The following LRRC75A variants were observed in gnomAD, a reference collection of about 807,000 sequenced individuals.
LRRC75A encodes the protein leucine-rich repeat-containing protein 75A.
Under a neutral mutation model 26.0 loss-of-function variants are expected in LRRC75A, and 12 were observed. The ratio of observed to expected loss-of-function variants is 0.46; its 90% CI spans 0.30 to 0.75. LRRC75A has a LOEUF of 0.75. Among genes scored for constraint, LRRC75A ranks in the 30% least tolerant of loss-of-function variants. The pLI is 0.08. For missense variants in LRRC75A, 410 were observed against 486.6 expected (o/e 0.84, Z 1.48); for synonymous variants, 223 against 219.3 (o/e 1.02, Z -0.15).
At chr17:16,477,565 C>T (rs1391613387) in intron 1 of LRRC75A, among the ~76,000 whole-genome samples, 1 of 152,236 alleles carries the variant, frequency 6.6e-6, no homozygotes, top group Non-Finnish European at 1.5e-5. Context: ...CACCTCTCCA[C>T]GCTTGGCCAC....
chr17:16,447,162 T>C (rs746210791), intron 3 of LRRC75A: 5 of 234,436 alleles, frequency 2.1e-5, no homozygotes, highest in Non-Finnish European at 4.4e-5. Flanking sequence ...GGCTCCCCTC[T>C]ACTTGCTTCC....
At chr17:16,486,395 A>G (rs1036975322) in intron 1 of LRRC75A, among the ~76,000 whole-genome samples, 1 of 152,180 alleles carries the variant, frequency 6.6e-6, no homozygotes, top group East Asian at 1.9e-4. Context: ...CTTAGCCACT[A>G]CAGAGGCTGC....
intron 1 of LRRC75A, among the ~76,000 whole-genome samples, chr17:16,473,564 A>G (rs2093812733): frequency 6.6e-6 from 1 of 152,208 alleles, no homozygotes; most frequent in East Asian, 1.9e-4. Context: ...GACCGAAGTC[A>G]GCCAGATGCT....
At position 16,491,554 on chromosome 17, in the gene LRRC75A, T is replaced by G. The variant is rs1288851506; in HGVS notation, c.246+191A>C. ...TCACCCGGCCAGCCTTCCTCCGCCC[T>G]GCCCTGAGGCCCCACATTCAGCGGA... On this transcript the variant is annotated intron_variant, in intron 1 of 3. Transcript: ENST00000470794. The surrounding 1 kb of genome is among the most constrained non-coding windows in gnomAD (Gnocchi z 5.9). 6.6e-6 allele frequency among the ~76,000 whole-genome samples: 1 copy of G among 152,176 alleles called. No homozygotes were observed. The highest frequency in any genetic ancestry group is 2.4e-5 in the African/African-American group (1 of 41,470).
chr17:16,452,519 C>A (rs2093641283), intron 2 of LRRC75A, among the ~76,000 whole-genome samples: 1 of 151,900 alleles, frequency 6.6e-6, no homozygotes, highest in African/African-American at 2.4e-5. Context: ...CTCACTGCAA[C>A]CTCCATCTCC....
Position 16,441,593 on chromosome 17 carries a change from T to G in LRRC75A, c.*1995A>C. On this transcript the variant is annotated 3_prime_UTR_variant, in exon 4 of 4. Coordinates refer to ENST00000470794, the MANE Select transcript of LRRC75A (RefSeq NM_001113567.3). ...TTTTTTGGGTTTTTTTTTTTTTTTT[T>G]GAGACAGTCTTGCTGTATTGCCCAG... is the stretch of plus-strand genomic sequence containing the variant. 2 of 356,822 alleles carry G rather than the reference T, an allele frequency of 5.6e-6. No homozygotes were observed. Among genetic ancestry groups the G allele is most frequent in the Admixed American group, 3.8e-5 (1 of 26,608 alleles). 22.1% of individuals were successfully genotyped at this position (356,822 alleles called of 1,614,324 possible).
chr17:16,453,452 C>G (rs2093652439), intron 2 of LRRC75A, among the ~76,000 whole-genome samples: 1 of 152,150 alleles, frequency 6.6e-6, no homozygotes, highest in African/African-American at 2.4e-5. Flanking sequence ...GGAAGTGTAT[C>G]TGCCACTACC....
At chr17:16,487,667 T>C (rs970891738) in intron 1 of LRRC75A, among the ~76,000 whole-genome samples, 13 of 152,216 alleles carry the variant, frequency 8.5e-5, no homozygotes, top group Non-Finnish European at 1.3e-4. Context: ...ACTGGTGAGC[T>C]CAAGTCATCT....
chr17:16,491,116 AC>A lies in LRRC75A; in HGVS notation c.246+628del, dbSNP rs2093856216. ...AAGTTGCTGCTGGCCAGGTGGTCACACAGGGCACCAAATCCAGCTCCCCTGT... is the reference window on the plus strand; with the variant it reads ...AAGTTGCTGCTGGCCAGGTGGTCACAAGGGCACCAAATCCAGCTCCCCTGT... On this transcript the variant is annotated intron_variant, in intron 1 of 3. Coordinates refer to ENST00000470794, the MANE Select transcript of LRRC75A (RefSeq NM_001113567.3). The surrounding 1 kb of genome is among the most constrained non-coding windows in gnomAD (Gnocchi z 5.9). 6.6e-6 allele frequency among the ~76,000 whole-genome samples: 1 copy of A among 152,258 alleles called. No individual in the cohort carries two copies. Among genetic ancestry groups the A allele is most frequent in the Non-Finnish European group, 1.5e-5 (1 of 68,042 alleles).
At position 16,441,582 on chromosome 17, in the gene LRRC75A, T is replaced by G. The variant is rs943688037; in HGVS notation, c.*2006A>C. The stretch of plus-strand genomic sequence containing the variant: ...CATTCTTGAGTTTTTTTGGGTTTTT[T>G]TTTTTTTTTTTGAGACAGTCTTGCT... On this transcript the variant is annotated 3_prime_UTR_variant, in exon 4 of 4. Coordinates refer to ENST00000470794, the MANE Select transcript of LRRC75A (RefSeq NM_001113567.3). 10 of 358,966 alleles carry G rather than the reference T, an allele frequency of 2.8e-5. No individual in the cohort carries two copies. Among genetic ancestry groups the G allele is most frequent in the African/African-American group, 1.9e-4 (9 of 46,668 alleles). The allele number at this position is 358,966 out of a possible 1,614,324, so 22.2% of individuals were successfully genotyped here.
chr17:16,451,493 C>G (rs537084312), intron 2 of LRRC75A, among the ~76,000 whole-genome samples: 2 of 151,600 alleles, frequency 1.3e-5, no homozygotes, highest in African/African-American at 4.8e-5. Flanking sequence ...TGACGGCGGG[C>G]GCCTGTGATC....
Position 16,491,098 on chromosome 17 carries a change from T to C in LRRC75A, c.246+647A>G, listed in dbSNP as rs1195953977. On this transcript the variant is annotated intron_variant, in intron 1 of 3. Coordinates refer to ENST00000470794, the MANE Select transcript of LRRC75A (RefSeq NM_001113567.3). The surrounding 1 kb of genome is among the most constrained non-coding windows in gnomAD (Gnocchi z 5.9). ...AGTCCTGGCAGTCTCCTGAAGTTGC[T>C]GCTGGCCAGGTGGTCACACAGGGCA... 6.6e-6 allele frequency among the ~76,000 whole-genome samples: 1 copy of C among 152,256 alleles called. No homozygotes were observed. The highest frequency in any genetic ancestry group is 1.5e-5 in the Non-Finnish European group (1 of 68,046).
intron 1 of LRRC75A, among the ~76,000 whole-genome samples, chr17:16,465,404 T>C (rs146097030): frequency 4.6e-5 from 7 of 152,334 alleles, no homozygotes; most frequent in African/African-American, 1.7e-4. Flanking sequence ...TAGTGGTTAT[T>C]AAACTGTGTT....
Position 16,462,697 on chromosome 17 carries a change from G to C in LRRC75A, c.247-311C>G, listed in dbSNP as rs1015195716. 1.2e-5 allele frequency: 4 copies of C among 333,186 alleles called. No individual in the cohort carries two copies. Among genetic ancestry groups the C allele is most frequent in the Non-Finnish European group, 2.2e-5 (4 of 181,114 alleles). The allele number at this position is 333,186 out of a possible 1,614,324, so 20.6% of individuals were successfully genotyped here. The stretch of plus-strand genomic sequence containing the variant: ...TTTCCAGAGGAGGAAGCCAAGGGTG[G>C]CCTGCCTCGGTGCAAGCAGCTGCTT... On this transcript the variant is annotated intron_variant, in intron 1 of 3. Coordinates refer to ENST00000470794, the MANE Select transcript of LRRC75A (RefSeq NM_001113567.3). This position sits in a 1 kb window ranked among gnomAD's most constrained non-coding sequence, Gnocchi z 4.6.
chr17:16,465,286 C>A (rs1051573229), intron 1 of LRRC75A, among the ~76,000 whole-genome samples: 1 of 152,214 alleles, frequency 6.6e-6, no homozygotes, highest in Non-Finnish European at 1.5e-5. Flanking sequence ...TGGGAAATAG[C>A]ACTGGATTTT....
chr17:16,465,221 G>A (rs1483402250), intron 1 of LRRC75A, among the ~76,000 whole-genome samples: 1 of 152,198 alleles, frequency 6.6e-6, no homozygotes, highest in Non-Finnish European at 1.5e-5. Context: ...AGCACCCCTG[G>A]CACCTAGTGG....
intron 1 of LRRC75A, among the ~76,000 whole-genome samples, chr17:16,481,087 C>A (rs2093832906): frequency 6.6e-6 from 1 of 152,242 alleles, no homozygotes; most frequent in Admixed American, 6.5e-5. Context: ...GCCATTTCCT[C>A]CAGTGAGGGA....
At chr17:16,465,370 G>A (rs142890399) in intron 1 of LRRC75A, among the ~76,000 whole-genome samples, 51 of 152,336 alleles carry the variant, frequency 3.3e-4, no homozygotes, top group African/African-American at 1.2e-3. Context: ...TTCCCTATCT[G>A]TGAAATGGGC....
chr17:16,477,306 G>A (rs562369813), intron 1 of LRRC75A, among the ~76,000 whole-genome samples: 34 of 152,358 alleles, frequency 2.2e-4, no homozygotes, highest in South Asian at 6.2e-4. Flanking sequence ...CAAGCTAAGC[G>A]TCTTCACCAC....
Sources: gnomAD v4.1 joint callset for allele counts (sites outside exome capture counted in the v4.1 genomes callset) on GRCh38, gnomAD v4.1.1 for gene constraint, Gnocchi (gnomAD v3.1) non-coding constraint, MANE v1.5 for transcripts, NCBI Gene and HGNC (gene_info 2026-07-23, HGNC 2026-07-21) for gene names.